The following STAM variants were observed in gnomAD, a reference collection of about 807,000 sequenced individuals.
The protein encoded by STAM is signal transducing adaptor molecule.
Under a neutral mutation model 63.4 loss-of-function variants are expected in STAM, and 16 were observed. The ratio of observed to expected loss-of-function variants is 0.25; its 90% confidence interval spans 0.17 to 0.38. The LOEUF is 0.38. Among genes scored for constraint, STAM ranks in the 10% least tolerant of loss-of-function variants. The pLI is 1.00. For synonymous variants in STAM, 238 were observed against 223.9 expected (o/e 1.06, Z -0.56); for missense variants, 636 against 657.1 (o/e 0.97, Z 0.35).
chr10:17,657,646 T>C (rs782052004), intron 1 of STAM, among the ~76,000 whole-genome samples: 2 of 152,206 alleles, frequency 1.3e-5, no homozygotes, highest in African/African-American at 2.4e-5. Flanking sequence ...TTTAAATAGA[T>C]GTGGGCCATT....
intron 12 of STAM, among the ~76,000 whole-genome samples, chr10:17,707,448 AC>A (rs1554829428): frequency 6.6e-6 from 1 of 151,756 alleles, no homozygotes; most frequent in Non-Finnish European, 1.5e-5. Context: ...TAAAAACAAA[AC>A]TAGCCAGATA....
chr10:17,691,844 A>T (rs1835549535), intron 5 of STAM, among the ~76,000 whole-genome samples: 1 of 152,240 alleles, frequency 6.6e-6, no homozygotes, highest in African/African-American at 2.4e-5. Flanking sequence ...CCTGGGAATG[A>T]CAATATACAT....
chr10:17,668,961 G>A (rs1050115040), intron 2 of STAM, among the ~76,000 whole-genome samples: 23 of 152,186 alleles, frequency 1.5e-4, no homozygotes, highest in African/African-American at 4.8e-4. Flanking sequence ...TTTAAGTTCA[G>A]TTGGGTAAAT....
chr10:17,688,098 A>G lies in STAM; in HGVS notation c.369A>G (p.Pro123=), dbSNP rs1401007597. The G allele has an allele frequency of 4.3e-6, 7 of 1,610,092 alleles. No individual in the cohort carries two copies. The highest frequency in any genetic ancestry group is 5.9e-6 in the Non-Finnish European group (7 of 1,178,270). Residue 123 remains proline, a synonymous_variant, in exon 5 of 14, where the codon CCA becomes CCG. Coordinates refer to ENST00000377524, the MANE Select transcript of STAM (RefSeq NM_003473.4). The stretch of plus-strand genomic sequence containing the variant: ...GGACAGATGAATTTAAGAATGATCC[A>G]CAGCTTAGTCTAATATCAGCAATGA... ...VEWTDEFKND[P]QLSLISAMIK...
chr10:17,695,989 C>T (rs1835739032), intron 7 of STAM: 1 of 152,060 alleles, frequency 6.6e-6, no homozygotes. Context: ...TTTGCTGTGT[C>T]CTCCCATGGC....
At chr10:17,660,617 G>C in intron 2 of STAM, 69 bp downstream of exon 2, 1 of 1,233,648 alleles carries the variant, frequency 8.1e-7, no homozygotes, top group Non-Finnish European at 1.1e-6. Context: ...CAGGTGCAGT[G>C]GCTTGCACCT....
At chr10:17,693,363 C>T in intron 6 of STAM, 51 bp downstream of exon 6, 1 of 1,414,044 alleles carries the variant, frequency 7.1e-7, no homozygotes. Context: ...TTTATTTTTT[C>T]TCTGAGATAT....
At chr10:17,672,043 G>A (rs1337152908) in intron 2 of STAM, among the ~76,000 whole-genome samples, 1 of 152,132 alleles carries the variant, frequency 6.6e-6, no homozygotes, top group Admixed American at 6.5e-5. Context: ...AGAGCTATTT[G>A]AAATAGGAGA....
chr10:17,645,830 T>G (rs1259409108), intron 1 of STAM, among the ~76,000 whole-genome samples: 2 of 152,222 alleles, frequency 1.3e-5, no homozygotes, highest in Admixed American at 6.5e-5. Context: ...TACATCTCAC[T>G]ACATGAATCT....
chr10:17,656,879 T>C (rs6602207), intron 1 of STAM, among the ~76,000 whole-genome samples: 94,640 of 151,998 alleles, frequency 0.62, 30,519 homozygotes, highest in African/African-American at 0.8. Flanking sequence ...TCCAAGTGGG[T>C]GACTTGAAGA....
Position 17,657,493 on chromosome 10 carries a change from G to A in STAM, c.41-2971G>A, listed in dbSNP as rs931117185. Reference sequence around the variant, plus strand: ...CTGGCCTCACAGAATGAGTTAGGAAGTATCTCCTCTGCTTCTATATACTGC... The same window carrying A: ...CTGGCCTCACAGAATGAGTTAGGAAATATCTCCTCTGCTTCTATATACTGC... On this transcript the variant is annotated intron_variant, in intron 1 of 13. Transcript: ENST00000377524. Among the ~76,000 whole-genome samples, 7 of 152,302 alleles carry A rather than the reference G, an allele frequency of 4.6e-5. No homozygotes were observed. In the East Asian group the frequency reaches 1.3e-3, roughly 29 times the overall value.
chr10:17,700,222 T>C lies in STAM; in HGVS notation c.855T>C (p.Ser285=). The C allele has an allele frequency of 6.2e-7, 1 of 1,610,402 alleles. No homozygotes were observed. Among genetic ancestry groups the C allele is most frequent in the Non-Finnish European group, 8.5e-7 (1 of 1,178,336 alleles). Residue 285 remains serine, a synonymous_variant, in exon 9 of 14, where the codon AGT becomes AGC. Coordinates refer to ENST00000377524, the MANE Select transcript of STAM (RefSeq NM_003473.4). ...CAGAGAAGAAGACGGTACAATTTAGTGATGATGTTCAGGTAGAGACAATAG... is the reference window on the plus strand; with the variant it reads ...CAGAGAAGAAGACGGTACAATTTAGCGATGATGTTCAGGTAGAGACAATAG... ...IKTEKKTVQF[S]DDVQVETIEP...
Position 17,704,981 on chromosome 10 carries a change from C to T in STAM, c.1012C>T (p.Gln338Ter). The T allele has an allele frequency of 6.2e-7, 1 of 1,612,398 alleles. No individual in the cohort carries two copies. Among genetic ancestry groups the T allele is most frequent in the Non-Finnish European group, 8.5e-7 (1 of 1,179,306 alleles). The change falls in exon 11 of 14, where the codon CAG (glutamine) becomes TAG (stop). Residue 338 changes from glutamine (Q) to a stop codon, truncating the protein, a stop_gained. Transcript: ENST00000377524. LOFTEE classifies it high-confidence loss of function. ...TCTTGTCATTTTAGCAATGTGTCAC[C>T]AGATGGGACCTCTCATTGATGAAAA... is the stretch of plus-strand genomic sequence containing the variant. ...ELLHLEAMCH[Q>*]MGPLIDEKLE... is the part of the protein sequence containing the mutation.
At chr10:17,673,552 A>G (rs1554824320) in intron 2 of STAM, among the ~76,000 whole-genome samples, 1 of 152,166 alleles carries the variant, frequency 6.6e-6, no homozygotes, top group East Asian at 1.9e-4. Context: ...TTCAGTTGAC[A>G]GTTTATTATG....
At chr10:17,646,671 C>T (rs1833533071) in intron 1 of STAM, among the ~76,000 whole-genome samples, 1 of 152,192 alleles carries the variant, frequency 6.6e-6, no homozygotes, top group Non-Finnish European at 1.5e-5. Flanking sequence ...CAATTCTCTT[C>T]TCACAATCCT....
In STAM at chr10:17,660,410, A is replaced by G. The variant is rs1219198427; in HGVS notation, c.41-54A>G. 6 of 1,213,110 alleles carry G rather than the reference A, an allele frequency of 4.9e-6. No homozygotes were observed. The African/African-American group carries it at 7.7e-5, about 16-fold the overall frequency. 75.1% of individuals were successfully genotyped at this position (1,213,110 alleles called of 1,614,324 possible). On this transcript the variant is annotated intron_variant, in intron 1 of 13. Coordinates refer to ENST00000377524, the MANE Select transcript of STAM (RefSeq NM_003473.4). ...TTTTGTGATTTAAATGTGATTATGT[A>G]TCTTTTAAAGATTTGAAAAATAATG...
At chr10:17,677,017 A>C (rs556164441) in intron 2 of STAM, among the ~76,000 whole-genome samples, 1 of 152,300 alleles carries the variant, frequency 6.6e-6, no homozygotes, top group South Asian at 2.1e-4. Flanking sequence ...TTTTGTAGAC[A>C]GTTCTGAAGG....
intron 1 of STAM, among the ~76,000 whole-genome samples, chr10:17,652,247 TAA>T: frequency 6.7e-6 from 1 of 150,288 alleles, no homozygotes; most frequent in Non-Finnish European, 1.5e-5. Flanking sequence ...TCCTTCTGAT[TAA>T]AAAAAAAATA....
rs138000495 is a variant in STAM, at chr10:17,708,826, G to A, written c.1260G>A (p.Ala420=). Residue 420 remains alanine, a synonymous_variant, in exon 13 of 14, where the codon GCG becomes GCA. Coordinates refer to ENST00000377524, the MANE Select transcript of STAM (RefSeq NM_003473.4). ...GTGCCTACCTGGTTGCAGGGAACGCGCAGATGAGCCACCTCCAGAGCTACA... is the reference window on the plus strand; with the variant it reads ...GTGCCTACCTGGTTGCAGGGAACGCACAGATGAGCCACCTCCAGAGCTACA... ...PSGAYLVAGN[A]QMSHLQSYSL... 16 of 1,613,966 alleles carry A rather than the reference G, an allele frequency of 9.9e-6. No homozygotes were observed. Among genetic ancestry groups the A allele is most frequent in the African/African-American group, 5.3e-5 (4 of 74,920 alleles).
Sources: allele counts gnomAD v4.1 joint callset (sites outside exome capture counted in the v4.1 genomes callset), GRCh38; gene constraint gnomAD v4.1.1; transcripts MANE v1.5; gene names NCBI Gene and HGNC (gene_info 2026-07-23, HGNC 2026-07-21).